The following ARHGEF1 variants were observed in gnomAD, a reference collection of about 807,000 sequenced individuals.
ARHGEF1 encodes the protein 115 kDa guanine nucleotide exchange factor.
A neutral mutation model predicts 119.7 loss-of-function variants in ARHGEF1; 40 were observed. That is an observed-to-expected ratio of 0.33 (90% confidence interval 0.26 to 0.44). The LOEUF (loss-of-function observed/expected upper bound fraction) is 0.44, where lower values mean the gene tolerates loss of function less well. Ranked by LOEUF, ARHGEF1 falls within the 20% of genes least tolerant of loss-of-function variation. The pLI is 1.00. For missense variants in ARHGEF1, 976 were observed against 1,268.3 expected, an observed-to-expected ratio of 0.77 and a Z score of 3.50; for synonymous variants, 494 against 521.0, an observed-to-expected ratio of 0.95 and a Z score of 0.71.
In ARHGEF1 at chr19:41,888,851, G is replaced by A; in HGVS notation, c.211G>A (p.Glu71Lys). 1 of 1,613,922 alleles carries A rather than the reference G, an allele frequency of 6.2e-7. No homozygotes were observed. The highest frequency in any genetic ancestry group is 1.1e-5 in the South Asian group (1 of 91,052). The part of the protein sequence containing the change: ...ALLQHVALQF[E>K]PGPLLCCLHA... ...CCTGCAGCACGTGGCCCTGCAGTTT[G>A]AGCCAGGACCCCTGGTGAGGGCAGG... is the stretch of plus-strand genomic sequence containing the variant. Residue 71 changes from glutamate to lysine, a missense_variant, in exon 4 of 29, where the codon GAG becomes AAG. By Grantham distance (56) the Glu-to-Lys change is moderately conservative. Transcript: ENST00000354532. The surrounding 1 kb of genome is among the most constrained non-coding windows in gnomAD (Gnocchi z 5.1).
At position 41,903,369 on chromosome 19, in the gene ARHGEF1, C is replaced by T. The variant is rs537183661; in HGVS notation, c.1801C>T (p.His601Tyr). ...AAECCREILH[H>Y]VNQAVRDMED... The stretch of plus-strand genomic sequence containing the variant: ...CGAGTGCTGCCGGGAAATTCTACAC[C>T]ACGTCAACCAAGCCGTGCGTGACAT... The change falls in exon 19 of 29, where the codon CAC becomes TAC. Residue 601 changes from histidine (H) to tyrosine (Y), a missense_variant. Physicochemically the swap from His to Tyr is moderately conservative, Grantham distance 83. This residue lies in a region of ARHGEF1 where 286 missense variants were observed against 506.8 expected (regional missense o/e 0.56). Coordinates refer to ENST00000354532, the MANE Select transcript of ARHGEF1 (RefSeq NM_004706.4). The surrounding 1 kb of genome is among the most constrained non-coding windows in gnomAD (Gnocchi z 4.2). 1.2e-6 allele frequency: 2 copies of T among 1,613,942 alleles called. No homozygotes were observed.
upstream of ARHGEF1, among the ~76,000 whole-genome samples, chr19:41,918,994 C>T (rs1002880753): frequency 6.6e-6 from 1 of 150,990 alleles, no homozygotes; most frequent in African/African-American, 2.4e-5. Flanking sequence ...ACCGCATATA[C>T]ACCACACACA....
At chr19:41,894,164 G>GTGTGTGTA (rs782312242) in intron 8 of ARHGEF1, 43 bp from the exon 9 acceptor site, 4 of 1,198,712 alleles carry the variant, frequency 3.3e-6, no homozygotes, top group African/African-American at 1.5e-5. Context: ...GTGTGTGTGT[G>GTGTGTGTA]TGTCTTTGTG....
chr19:41,909,951 T>C, downstream of ARHGEF1: 1 of 1,613,940 alleles, frequency 6.2e-7, no homozygotes, highest in Non-Finnish European at 8.5e-7. This position sits in a 1 kb window ranked among gnomAD's most constrained non-coding sequence, Gnocchi z 5.2. Context: ...GGGTCTTTGA[T>C]GACGAATTCC....
Position 41,888,327 on chromosome 19 carries a change from G to A in ARHGEF1, c.111+49G>A, listed in dbSNP as rs371977448. 3.4e-5 allele frequency: 53 copies of A among 1,577,486 alleles called. No homozygotes were observed. The highest frequency in any genetic ancestry group is 1.7e-4 in the Middle Eastern group (1 of 5,974). ...AGCTCTGTCCCAGGCTCAGTGTCCC[G>A]CCCCAGGTCCCCTCCCACCTGCAGA... On this transcript the variant is annotated intron_variant, in intron 3 of 28. Transcript: ENST00000354532. This position sits in a 1 kb window ranked among gnomAD's most constrained non-coding sequence, Gnocchi z 5.1.
At position 41,904,977 on chromosome 19, in the gene ARHGEF1, C is replaced by G; in HGVS notation, c.2190C>G (p.Thr730=). Residue 730 remains threonine (T), a synonymous_variant, in exon 23 of 29, where the codon ACC becomes ACG. Transcript: ENST00000354532. This position sits in a 1 kb window ranked among gnomAD's most constrained non-coding sequence, Gnocchi z 8.4. Reference sequence around the variant, plus strand: ...ACAAAGCCTTCTACGTCCTTTTTACCTGGGACCAGGAGGCCCAGATATACG... The same window carrying G: ...ACAAAGCCTTCTACGTCCTTTTTACGTGGGACCAGGAGGCCCAGATATACG... ...TDHKAFYVLF[T]WDQEAQIYEL... The G allele has an allele frequency of 6.2e-7, 1 of 1,614,158 alleles. No homozygotes were observed. Among genetic ancestry groups the G allele is most frequent in the South Asian group, 1.1e-5 (1 of 91,084 alleles).
Position 41,906,184 on chromosome 19 carries a change from C to A in ARHGEF1, c.2491+159C>A. On this transcript the variant is annotated intron_variant, in intron 26 of 28. Transcript: ENST00000354532. The surrounding 1 kb of genome is among the most constrained non-coding windows in gnomAD (Gnocchi z 4.5). ...CCTGCACCACTGTCCTGGGTGCCCA[C>A]GTCCCTCTTCTGCAGCCACCATCCC... 1.4e-6 allele frequency: 1 copy of A among 707,314 alleles called. No individual in the cohort carries two copies. The highest frequency in any genetic ancestry group is 2.4e-6 in the Non-Finnish European group (1 of 423,664). 43.8% of individuals were successfully genotyped at this position (707,314 alleles called of 1,614,324 possible).
chr19:41,885,524 C>T (rs11879481), intron 1 of ARHGEF1, among the ~76,000 whole-genome samples: 3,926 of 152,256 alleles, frequency 0.026, 174 homozygotes, highest in African/African-American at 0.089. Context: ...TGCAGTGGCG[C>T]GATCTCAGCT....
chr19:41,905,675 TC>T lies in ARHGEF1; in HGVS notation c.2337-81del. ...GTCTCTGTCTCCGGACCTCCCTGCC[TC>T]CCCACCTCCAGCTCTCTGTCTCCCT... is the stretch of plus-strand genomic sequence containing the variant. On this transcript the variant is annotated intron_variant, in intron 24 of 28. Coordinates refer to ENST00000354532, the MANE Select transcript of ARHGEF1 (RefSeq NM_004706.4). This position sits in a 1 kb window ranked among gnomAD's most constrained non-coding sequence, Gnocchi z 6.4. The T allele has an allele frequency of 6.9e-7, 1 of 1,440,118 alleles. No individual in the cohort carries two copies. Among genetic ancestry groups the T allele is most frequent in the East Asian group, 2.3e-5 (1 of 43,776 alleles). 89.2% of individuals were successfully genotyped at this position (1,440,118 alleles called of 1,614,324 possible).
At chr19:41,895,295 G>C in intron 11 of ARHGEF1, 54 bp from the exon 12 acceptor site, 7 of 1,557,110 alleles carry the variant, frequency 4.5e-6, no homozygotes, top group Non-Finnish European at 6.1e-6. Context: ...TGGCGGTTGT[G>C]GATTTGAGTT....
At chr19:41,909,575 T>C (rs2074741126), downstream of ARHGEF1, 7 of 974,772 alleles carry the variant, frequency 7.2e-6, no homozygotes, top group Non-Finnish European at 9.8e-6. The surrounding 1 kb of genome is among the most constrained non-coding windows in gnomAD (Gnocchi z 5.2). Flanking sequence ...CACAGAGCAC[T>C]AGAACTTGGG....
In ARHGEF1 at chr19:41,907,197, G is replaced by C; in HGVS notation, c.*110G>C. ...GCAGCATCTCACACCCCGAGGGCCT[G>C]AGGAGAGGGAGCTGTGGGCCACGCC... On this transcript the variant is annotated 3_prime_UTR_variant, in exon 29 of 29. Coordinates refer to ENST00000354532, the MANE Select transcript of ARHGEF1 (RefSeq NM_004706.4). 1 of 1,522,118 alleles carries C rather than the reference G, an allele frequency of 6.6e-7. No homozygotes were observed. The highest frequency in any genetic ancestry group is 8.8e-7 in the Non-Finnish European group (1 of 1,140,864). The allele number at this position is 1,522,118 out of a possible 1,614,324, so 94.3% of individuals were successfully genotyped here. A position where few individuals can be genotyped will look rare whatever the true frequency, so the allele number is the denominator to read the frequency against.
In ARHGEF1 at chr19:41,905,207, C is replaced by T; in HGVS notation, c.2282C>T (p.Ser761Phe). The T allele has an allele frequency of 6.2e-7, 1 of 1,614,066 alleles. No individual in the cohort carries two copies. The change falls in exon 24 of 29, where the codon TCC (serine) becomes TTC (phenylalanine). Residue 761 changes from serine (S) to phenylalanine (F), a missense_variant. Transcript: ENST00000354532. This position sits in a 1 kb window ranked among gnomAD's most constrained non-coding sequence, Gnocchi z 6.4. Reference protein sequence around the residue: ...WCALITETAGSLKVPAPASRP... With the variant: ...WCALITETAGFLKVPAPASRP... ...GCTCTCATCACTGAGACTGCCGGAT[C>T]CCTGAAAGTCCCTGCCCCTGCCTCT... is the stretch of plus-strand genomic sequence containing the variant.
intron 7 of ARHGEF1, 146 bp from the exon 8 acceptor site, chr19:41,893,127 CA>C (rs1299135091): frequency 5.4e-5 from 63 of 1,161,990 alleles, no homozygotes; most frequent in Non-Finnish European, 7.5e-5. Context: ...CCTCTTATGA[CA>C]GTCCTTCCCA....
At chr19:41,913,408 C>T (rs2074766359) in intron 18 of ARHGEF1, among the ~76,000 whole-genome samples, 1 of 151,956 alleles carries the variant, frequency 6.6e-6, no homozygotes, top group Non-Finnish European at 1.5e-5. Flanking sequence ...CCAGATTTAT[C>T]TTGTTCTATA....
chr19:41,885,451 T>C (rs1555845098), intron 1 of ARHGEF1, among the ~76,000 whole-genome samples: 1 of 138,184 alleles, frequency 7.2e-6, no homozygotes, highest in Non-Finnish European at 1.6e-5. Context: ...CTGTTTTATT[T>C]TGTTTTATTT....
downstream of ARHGEF1, among the ~76,000 whole-genome samples, chr19:41,911,775 G>A (rs1555851276): frequency 6.6e-6 from 1 of 152,038 alleles, no homozygotes; most frequent in Admixed American, 6.6e-5. Flanking sequence ...CACCCAACCC[G>A]ATACTCCATC....
chr19:41,920,285 G>A (rs73550655), upstream of ARHGEF1, among the ~76,000 whole-genome samples: 28,394 of 121,510 alleles, frequency 0.23, 6,263 homozygotes, highest in African/African-American at 0.6. Flanking sequence ...ACATGATAAC[G>A]CTCACAGACA....
rs1214977825 is a variant in ARHGEF1 at position 41,889,211 on chromosome 19, C to G, written c.225+346C>G. 7 of 219,494 alleles carry G rather than the reference C, an allele frequency of 3.2e-5. No homozygotes were observed. Among genetic ancestry groups the G allele is most frequent in the Non-Finnish European group, 9.2e-6 (1 of 108,322 alleles). 13.6% of individuals were successfully genotyped at this position (219,494 alleles called of 1,614,324 possible). Reference sequence around the variant, plus strand: ...CCATCAGCCTGTGGCAGCACCTTTCCGTGAACTCTAGGGGACCAAATTCTT... The same window carrying G: ...CCATCAGCCTGTGGCAGCACCTTTCGGTGAACTCTAGGGGACCAAATTCTT... On this transcript the variant is annotated intron_variant, in intron 4 of 28. Coordinates refer to ENST00000354532, the MANE Select transcript of ARHGEF1 (RefSeq NM_004706.4). The surrounding 1 kb of genome is among the most constrained non-coding windows in gnomAD (Gnocchi z 4.0).
Sources: gnomAD v4.1 joint callset for allele counts (sites outside exome capture counted in the v4.1 genomes callset) on GRCh38, gnomAD v4.1.1 for gene constraint, gnomAD v4.1.1 regional missense constraint, Gnocchi (gnomAD v3.1) non-coding constraint, MANE v1.5 for transcripts, NCBI Gene and HGNC (gene_info 2026-07-23, HGNC 2026-07-21) for gene names.